Variants in ABCA3 observed in about 807,000 individuals in gnomAD.
The protein encoded by ABCA3 is phospholipid-transporting ATPase ABCA3.
ABCA3 carries 88 observed loss-of-function variants against 172.8 expected under a neutral mutation model. That is an observed-to-expected ratio of 0.51 (90% CI 0.43 to 0.61). The LOEUF (loss-of-function observed/expected upper bound fraction) is 0.61. ABCA3 is among the 20% of genes least tolerant of loss of function. ABCA3 has a pLI of 0.00. For missense variants in ABCA3, 2,164 were observed against 2,301.0 expected (o/e 0.94, Z 1.22); for synonymous variants, 1,066 against 983.8 (o/e 1.08, Z -1.56).
intron 6 of ABCA3, 49 bp from the exon 7 acceptor site, chr16:2,323,737 G>A (rs953505131): frequency 1.2e-6 from 2 of 1,611,208 alleles, no homozygotes; most frequent in African/African-American, 2.7e-5. Flanking sequence ...CCAGACAGAG[G>A]GGCAAACAAC....
intron 5 of ABCA3, 95 bp downstream of exon 5, chr16:2,325,915 C>G (rs1482221530): frequency 6.4e-7 from 1 of 1,571,928 alleles, no homozygotes; most frequent in African/African-American, 1.3e-5. Flanking sequence ...GAACTCCTCA[C>G]CCAGCTGCTT....
In ABCA3 at chr16:2,288,147, G is replaced by A. The variant is rs1298655924; in HGVS notation, c.2883C>T (p.Gly961=). 4.3e-6 allele frequency: 7 copies of A among 1,611,352 alleles called. No homozygotes were observed. The highest frequency in any genetic ancestry group is 1.3e-5 in the African/African-American group (1 of 74,866). Reference sequence around the variant, plus strand: ...AGGGCACGACGGTTCTGCCGTACTCGCCCAAGGTCAGCCTCAGCATGGGGT... The same window carrying A: ...AGGGCACGACGGTTCTGCCGTACTCACCCAAGGTCAGCCTCAGCATGGGGT... ...FDDPMLRLTL[G]EYGRTVVPFS... Residue 961 remains glycine (G), a synonymous_variant, in exon 21 of 33, where the codon GGC becomes GGT. Coordinates refer to ENST00000301732, the MANE Select transcript of ABCA3 (RefSeq NM_001089.3).
chr16:2,280,521 C>T (rs983397770), intron 28 of ABCA3, among the ~76,000 whole-genome samples: 4 of 152,118 alleles, frequency 2.6e-5, no homozygotes, highest in South Asian at 2.1e-4. Context: ...GAGGACTCCG[C>T]GGCCACTTCT....
Position 2,278,937 on chromosome 16 carries a change from G to A in ABCA3, c.4547+6C>T, listed in dbSNP as rs2093650920. 6.2e-7 allele frequency: 1 copy of A among 1,613,352 alleles called. No individual in the cohort carries two copies. The stretch of plus-strand genomic sequence containing the variant: ...TCTGGGAAGGGCCAGGGCTCGGGAG[G>A]TGCACCTGTACGTCCTGACCAGCTT... On this transcript the variant is annotated splice_donor_region_variant and intron_variant, in intron 29 of 32. Transcript: ENST00000301732. The surrounding 1 kb of genome is among the most constrained non-coding windows in gnomAD (Gnocchi z 4.4).
chr16:2,319,774 G>T lies in ABCA3; in HGVS notation c.680C>A (p.Ala227Asp), dbSNP rs1567352277. 2 of 1,614,030 alleles carry T rather than the reference G, an allele frequency of 1.2e-6. No homozygotes were observed. The highest frequency in any genetic ancestry group is 8.5e-7 in the Non-Finnish European group (1 of 1,180,028). Reference sequence around the variant, plus strand: ...GAACAGCTGGCGTGTGGCGGCATCGGCATGGTACTCCATGATGGCCCGGTC... The same window carrying T: ...GAACAGCTGGCGTGTGGCGGCATCGTCATGGTACTCCATGATGGCCCGGTC... ...AVDRAIMEYHADAATRQLFQR... is the reference protein window; with the variant it reads ...AVDRAIMEYHDDAATRQLFQR... The change falls in exon 8 of 33, where the codon GCC becomes GAC. Residue 227 changes from alanine to aspartate, a missense_variant. Coordinates refer to ENST00000301732, the MANE Select transcript of ABCA3 (RefSeq NM_001089.3).
In ABCA3 at chr16:2,276,506, G is replaced by T; in HGVS notation, c.*168C>A. The T allele has an allele frequency of 1.8e-6, 2 of 1,130,192 alleles. No homozygotes were observed. The highest frequency in any genetic ancestry group is 2.5e-6 in the Non-Finnish European group (2 of 794,154). 70.0% of individuals were successfully genotyped at this position (1,130,192 alleles called of 1,614,324 possible). A position where few individuals can be genotyped will look rare whatever the true frequency, so the allele number is the denominator to read the frequency against. On this transcript the variant is annotated 3_prime_UTR_variant, in exon 33 of 33. Coordinates refer to ENST00000301732, the MANE Select transcript of ABCA3 (RefSeq NM_001089.3). ...GCGCATGCTGATCCTGGGCATGAGG[G>T]CTGGGCTGCACTCGTCCATTCTGTG...
rs2093681942 is a variant in ABCA3, at chr16:2,297,583, C to T, written c.2053-44G>A. 6.2e-7 allele frequency: 1 copy of T among 1,607,482 alleles called. No individual in the cohort carries two copies. The highest frequency in any genetic ancestry group is 8.5e-7 in the Non-Finnish European group (1 of 1,178,382). On this transcript the variant is annotated intron_variant, in intron 16 of 32. Transcript: ENST00000301732. This position sits in a 1 kb window ranked among gnomAD's most constrained non-coding sequence, Gnocchi z 5.6. The stretch of plus-strand genomic sequence containing the variant: ...TCTCGCGACGCTGGTAGAGCCACAC[C>T]CCGGGCCCAGGCTGGCCTTGCGGTA...
At chr16:2,298,051 G>A (rs2093682888) in intron 15 of ABCA3, 130 bp from the exon 16 acceptor site, 3 of 868,012 alleles carry the variant, frequency 3.5e-6, no homozygotes, top group South Asian at 1.8e-5. Context: ...GCGGGAGGCC[G>A]ACCACGGCCA....
rs1309210116 is a variant in ABCA3 at position 2,285,472 on chromosome 16, G to A, written c.3453C>T (p.Ile1151=). ...FWLSALLWDL[I]SFLIPSLLLL... ...GCAGCAGACTGGGGATGAGGAAGGA[G>A]ATGAGGTCCCACAGCAGAGCAGAGA... The change falls in exon 23 of 33, where the codon ATC becomes ATT. Residue 1151 remains isoleucine (I), a synonymous_variant. Transcript: ENST00000301732. The surrounding 1 kb of genome is among the most constrained non-coding windows in gnomAD (Gnocchi z 4.7). The A allele has an allele frequency of 6.2e-7, 1 of 1,611,600 alleles. No homozygotes were observed. The highest frequency in any genetic ancestry group is 8.5e-7 in the Non-Finnish European group (1 of 1,179,012).
In ABCA3 at chr16:2,292,848, G is replaced by A. The variant is rs960457515; in HGVS notation, c.2415-610C>T. On this transcript the variant is annotated intron_variant, in intron 18 of 32. Transcript: ENST00000301732. ...CTTGTGCCTGTAATCCCAGCTACTC[G>A]GGAGGCTGAGGCAGGAGAATTGCTT... 2.6e-5 allele frequency among the ~76,000 whole-genome samples: 4 copies of A among 151,802 alleles called. No homozygotes were observed. In the East Asian group the frequency reaches 5.9e-4, roughly 22 times the overall value.
At position 2,279,163 on chromosome 16, in the gene ABCA3, G is replaced by A. The variant is rs1481727117; in HGVS notation, c.4360-33C>T. On this transcript the variant is annotated intron_variant, in intron 28 of 32. Coordinates refer to ENST00000301732, the MANE Select transcript of ABCA3 (RefSeq NM_001089.3). This position sits in a 1 kb window ranked among gnomAD's most constrained non-coding sequence, Gnocchi z 4.4. ...CGGAGCATAGCCGGGGAGGGAGGCG[G>A]GTTGGAGGGAAGCCTCCTTCCTCCA... The A allele has an allele frequency of 1.2e-6, 2 of 1,605,010 alleles. No individual in the cohort carries two copies. The highest frequency in any genetic ancestry group is 2.7e-5 in the African/African-American group (2 of 74,866).
chr16:2,317,517 A>C, intron 9 of ABCA3, 114 bp from the exon 10 acceptor site: 1 of 1,577,166 alleles, frequency 6.3e-7, no homozygotes, highest in Non-Finnish European at 8.7e-7. Flanking sequence ...TGGGACATTG[A>C]CAGCTCCTCT....
At chr16:2,299,968 C>T (rs771525609) in intron 13 of ABCA3, 37 bp downstream of exon 13, 98 of 1,609,748 alleles carry the variant, frequency 6.1e-5, no homozygotes, top group Non-Finnish European at 4.5e-5. Context: ...ATGGTCCTGG[C>T]AGCCCCGGCC....
chr16:2,294,662 G>A (rs139568236), intron 18 of ABCA3, among the ~76,000 whole-genome samples: 13 of 152,248 alleles, frequency 8.5e-5, no homozygotes, highest in African/African-American at 3.1e-4. Context: ...TCCAGCCTGG[G>A]TGACAGAGCA....
At position 2,277,902 on chromosome 16, in the gene ABCA3, G is replaced by A. The variant is rs368905104; in HGVS notation, c.4886C>T (p.Ala1629Val). Residue 1629 changes from alanine to valine, a missense_variant, in exon 31 of 33, where the codon GCC becomes GTC. Around this residue, in one of 3 missense-constraint regions of ABCA3, gnomAD observed 795 missense variants for 881.9 expected, o/e 0.90. Coordinates refer to ENST00000301732, the MANE Select transcript of ABCA3 (RefSeq NM_001089.3). This position sits in a 1 kb window ranked among gnomAD's most constrained non-coding sequence, Gnocchi z 5.3. ...GQQEALEEFKAFVDLTFPGSV... is the reference protein window; with the variant it reads ...GQQEALEEFKVFVDLTFPGSV... ...ACCTGGAAAGGTCAGGTCCACGAAG[G>A]CCTTGAACTCCTCCAGCGCCTCCTG... 2 of 1,609,946 alleles carry A rather than the reference G, an allele frequency of 1.2e-6. No homozygotes were observed. The highest frequency in any genetic ancestry group is 2.7e-5 in the African/African-American group (2 of 74,854).
chr16:2,292,094 A>G lies in ABCA3; in HGVS notation c.2513+46T>C, dbSNP rs192131681. 9.6e-4 allele frequency: 1,431 copies of G among 1,492,276 alleles called. 28 individuals carry two copies. The East Asian group carries it at 0.029, about 30-fold the overall frequency. The allele number at this position is 1,492,276 out of a possible 1,614,324, so 92.4% of individuals were successfully genotyped here. On this transcript the variant is annotated intron_variant, in intron 19 of 32. Coordinates refer to ENST00000301732, the MANE Select transcript of ABCA3 (RefSeq NM_001089.3). ...ATCTCAAAAAAAAAAAGTCCTCTGCAGCACGGAGCCCAGTCCTAGGTGGAC... is the reference window on the plus strand; with the variant it reads ...ATCTCAAAAAAAAAAAGTCCTCTGCGGCACGGAGCCCAGTCCTAGGTGGAC...
Position 2,292,224 on chromosome 16 carries a change from A to C in ABCA3, c.2429T>G (p.Phe810Cys). 1 of 1,613,660 alleles carries C rather than the reference A, an allele frequency of 6.2e-7. No homozygotes were observed. ...TTTCTGCTTCTTCTCCAGTTTAGCA[A>C]AGAGACCTTCAAACCTGAAAAACAG... is the stretch of plus-strand genomic sequence containing the variant. Reference protein sequence around the residue: ...RESTHRFEGLFAKLEKKQKEL... With the variant: ...RESTHRFEGLCAKLEKKQKEL... Residue 810 changes from phenylalanine to cysteine, a missense_variant, in exon 19 of 33, where the codon TTT becomes TGT. Around this residue, in one of 3 missense-constraint regions of ABCA3, gnomAD observed 1,343 missense variants for 1,369.6 expected, o/e 0.98. Coordinates refer to ENST00000301732, the MANE Select transcript of ABCA3 (RefSeq NM_001089.3).
In ABCA3 at chr16:2,297,457, C is replaced by G. The variant is rs1331300188; in HGVS notation, c.2135G>C (p.Ser712Thr). ...AIWDLLQRQK[S>T]DRTIVLTTHF... ...GGTGGTCAGCACGATGGTGCGGTCA[C>G]TTTTCTGCCGCTGAAGAAGATCCCA... is the stretch of plus-strand genomic sequence containing the variant. The change falls in exon 17 of 33, where the codon AGT becomes ACT. Residue 712 changes from serine (S) to threonine (T), a missense_variant. Coordinates refer to ENST00000301732, the MANE Select transcript of ABCA3 (RefSeq NM_001089.3). The surrounding 1 kb of genome is among the most constrained non-coding windows in gnomAD (Gnocchi z 5.6). 2 of 1,613,812 alleles carry G rather than the reference C, an allele frequency of 1.2e-6. No individual in the cohort carries two copies. Among genetic ancestry groups the G allele is most frequent in the Admixed American group, 1.7e-5 (1 of 60,012 alleles).
chr16:2,324,605 C>A, intron 5 of ABCA3, 74 bp from the exon 6 acceptor site: 1 of 1,593,544 alleles, frequency 6.3e-7, no homozygotes, highest in South Asian at 1.1e-5. Flanking sequence ...TGGTTCAGGT[C>A]ACTGGCAGAT....
Sources: gnomAD v4.1 joint callset for allele counts (sites outside exome capture counted in the v4.1 genomes callset) on GRCh38, gnomAD v4.1.1 for gene constraint, gnomAD v4.1.1 regional missense constraint, Gnocchi (gnomAD v3.1) non-coding constraint, MANE v1.5 for transcripts, NCBI Gene and HGNC (gene_info 2026-07-23, HGNC 2026-07-21) for gene names.